Variants in SLC25A48 observed in about 807,000 individuals in gnomAD.
SLC25A48 encodes solute carrier family 25 member 48.
Under a neutral mutation model 32.2 loss-of-function variants are expected in SLC25A48, and 29 were observed. That is an observed-to-expected ratio of 0.90 (90% CI 0.67 to 1.23). SLC25A48 has a LOEUF of 1.23. Among genes scored for constraint, SLC25A48 ranks in the 50% most tolerant of loss-of-function variants. SLC25A48 has a pLI of 0.00. For missense variants in SLC25A48, 399 were observed against 422.7 expected, an observed-to-expected ratio of 0.94 and a Z score of 0.49; for synonymous variants, 164 against 172.3, an observed-to-expected ratio of 0.95 and a Z score of 0.38.
At chr5:135,873,254 G>C (rs943063884) in intron 5 of SLC25A48, among the ~76,000 whole-genome samples, 2 of 152,168 alleles carry the variant, frequency 1.3e-5, no homozygotes. Context: ...ACAAAACCAT[G>C]CAAACCAGTT....
At chr5:135,864,449 A>AC (rs1253410917) in intron 4 of SLC25A48, among the ~76,000 whole-genome samples, 1 of 152,124 alleles carries the variant, frequency 6.6e-6, no homozygotes, top group Non-Finnish European at 1.5e-5. Flanking sequence ...GGGACACACA[A>AC]CCCTTAAAGA....
At chr5:135,846,867 A>G (rs1759468004) in intron 2 of SLC25A48, among the ~76,000 whole-genome samples, 1 of 152,216 alleles carries the variant, frequency 6.6e-6, no homozygotes, top group African/African-American at 2.4e-5. Flanking sequence ...ATATAACCTC[A>G]TGTTAAATAG....
chr5:135,839,611 A>T (rs1029974496), intron 1 of SLC25A48, among the ~76,000 whole-genome samples: 2 of 152,150 alleles, frequency 1.3e-5, no homozygotes, highest in African/African-American at 4.8e-5. Context: ...TTGGGAAGGC[A>T]TGATTTGTTT....
At chr5:135,857,460 C>A (rs1405234424) in intron 4 of SLC25A48, among the ~76,000 whole-genome samples, 1 of 152,224 alleles carries the variant, frequency 6.6e-6, no homozygotes, top group Non-Finnish European at 1.5e-5. Context: ...AGGTACTGTC[C>A]ACCCATCACC....
At chr5:135,706,986 G>A (rs1385468416) in intron 3 of SLC25A48, among the ~76,000 whole-genome samples, 1 of 152,206 alleles carries the variant, frequency 6.6e-6, no homozygotes, top group East Asian at 1.9e-4. Flanking sequence ...AGAAGACATG[G>A]AAAATGCAGG....
intron 1 of SLC25A48, among the ~76,000 whole-genome samples, chr5:135,837,294 G>A (rs1460185814): frequency 6.6e-6 from 1 of 152,122 alleles, no homozygotes; most frequent in Non-Finnish European, 1.5e-5. Context: ...GGGGATAAGA[G>A]GGGACAGGTG....
intron 1 of SLC25A48, among the ~76,000 whole-genome samples, chr5:135,586,883 A>G (rs1216596356): frequency 2.0e-5 from 3 of 152,176 alleles, no homozygotes; most frequent in Admixed American, 1.3e-4. Context: ...GAGAATTTCA[A>G]GCAGGGTTGT....
In SLC25A48 at chr5:135,871,515, A is replaced by T. The variant is rs1052163123; in HGVS notation, c.476A>T (p.Gln159Leu). The change falls in exon 5 of 8, where the codon CAG (glutamine) becomes CTG (leucine). Residue 159 changes from glutamine (Q) to leucine (L), a missense_variant. Gln to Leu is a moderately radical substitution (Grantham distance 113). Coordinates refer to ENST00000681962, the MANE Select transcript of SLC25A48 (RefSeq NM_001349336.2). ...AVAPAEQPAY[Q>L]GPVHCITTIV... ...GCTCCTGCGGAGCAGCCAGCATACC[A>T]GGGGCCAGTGCACTGCATTACAACC... 1.2e-6 allele frequency: 2 copies of T among 1,610,976 alleles called. No individual in the cohort carries two copies. Among genetic ancestry groups the T allele is most frequent in the Non-Finnish European group, 1.7e-6 (2 of 1,177,492 alleles).
intron 3 of SLC25A48, among the ~76,000 whole-genome samples, chr5:135,778,971 C>A (rs1194225765): frequency 1.3e-5 from 2 of 151,042 alleles, no homozygotes; most frequent in Non-Finnish European, 2.9e-5. Flanking sequence ...AGAATATTTC[C>A]CCAAATATCA....
intron 5 of SLC25A48, 62 bp from the exon 6 acceptor site, chr5:135,873,959 G>T: frequency 6.8e-7 from 1 of 1,465,954 alleles, no homozygotes; most frequent in South Asian, 1.4e-5. Context: ...AATCTGCAAG[G>T]AACCAGGCCC....
At chr5:135,798,457 A>G (rs1449860622) in intron 3 of SLC25A48, among the ~76,000 whole-genome samples, 1 of 151,816 alleles carries the variant, frequency 6.6e-6, no homozygotes, top group African/African-American at 2.4e-5. Context: ...TACTCCCAAT[A>G]TCGCAGGTTG....
chr5:135,708,383 G>T (rs534703844), intron 3 of SLC25A48, among the ~76,000 whole-genome samples: 4 of 152,260 alleles, frequency 2.6e-5, no homozygotes, highest in African/African-American at 9.6e-5. Context: ...AGTTTTTTCT[G>T]CAGGCTCCTA....
chr5:135,624,297 C>A (rs1752394342), intron 1 of SLC25A48, among the ~76,000 whole-genome samples: 1 of 152,124 alleles, frequency 6.6e-6, no homozygotes, highest in East Asian at 1.9e-4. Flanking sequence ...CCGGGGCTAC[C>A]CACAAGTGGG....
At chr5:135,776,431 C>T (rs965681704) in intron 3 of SLC25A48, among the ~76,000 whole-genome samples, 4 of 151,290 alleles carry the variant, frequency 2.6e-5, no homozygotes, top group South Asian at 2.1e-4. Context: ...ATATAAAAGG[C>T]GGGAGAGGAT....
intron 1 of SLC25A48, among the ~76,000 whole-genome samples, chr5:135,590,013 T>C (rs1206939950): frequency 6.6e-6 from 1 of 152,134 alleles, no homozygotes; most frequent in Admixed American, 6.5e-5. Context: ...TTAAATCCAG[T>C]CTATTGGTTT....
At chr5:135,737,804 T>C (rs1442931632) in intron 3 of SLC25A48, among the ~76,000 whole-genome samples, 2 of 152,160 alleles carry the variant, frequency 1.3e-5, no homozygotes, top group African/African-American at 4.8e-5. Context: ...CCTGAATTAG[T>C]TTCTTGCCTT....
intron 4 of SLC25A48, among the ~76,000 whole-genome samples, chr5:135,816,700 A>G (rs1043795194): frequency 3.3e-5 from 5 of 152,242 alleles, no homozygotes; most frequent in Non-Finnish European, 7.3e-5. Context: ...GGTAACTGGT[A>G]CTAGATTTGC....
intron 3 of SLC25A48, among the ~76,000 whole-genome samples, chr5:135,662,219 G>T (rs1580764908): frequency 6.6e-6 from 1 of 152,088 alleles, no homozygotes; most frequent in African/African-American, 2.4e-5. Flanking sequence ...AGGTTTATTT[G>T]CCATCTGCAT....
intron 3 of SLC25A48, among the ~76,000 whole-genome samples, chr5:135,799,646 A>G (rs1433841857): frequency 6.6e-6 from 1 of 151,552 alleles, no homozygotes; most frequent in Non-Finnish European, 1.5e-5. Flanking sequence ...TGTTCCTAAT[A>G]CCTAAGGGGA....
Sources: gnomAD v4.1 joint callset for allele counts (sites outside exome capture counted in the v4.1 genomes callset) on GRCh38, gnomAD v4.1.1 for gene constraint, MANE v1.5 for transcripts, NCBI Gene and HGNC (gene_info 2026-07-23, HGNC 2026-07-21) for gene names.